The following PFKFB1 variants were observed in gnomAD, a reference collection of about 807,000 sequenced individuals.
PFKFB1 encodes 6-phosphofructo-2-kinase/fructose-2,6-biphosphatase 1, also known as 6-phosphofructo-2-kinase/fructose-2,6-bisphosphatase 1.
Under a neutral mutation model 46.4 loss-of-function variants are expected in PFKFB1, and 34 were observed. The observed-to-expected ratio is 0.73, with a 90% CI of 0.56 to 0.98. PFKFB1 has a LOEUF of 0.98. Among genes scored for constraint, PFKFB1 ranks in the 50% least tolerant of loss-of-function variants. PFKFB1 has a pLI of 0.00. For missense variants in PFKFB1, 393 were observed against 376.3 expected (o/e 1.04, Z -0.37); for synonymous variants, 119 against 133.8 (o/e 0.89, Z 0.76).
intron 1 of PFKFB1, among the ~76,000 whole-genome samples, chrX:54,983,939 T>C (rs1376664796): frequency 8.9e-6 from 1 of 112,223 alleles, no homozygotes; most frequent in East Asian, 2.8e-4. Flanking sequence ...CATTTTTTCA[T>C]ATGCTTGTTG....
At position 54,994,029 on chromosome X, in the gene PFKFB1, C is replaced by T. The variant is rs1935312765; in HGVS notation, c.-22G>A. 1.7e-6 allele frequency: 2 copies of T among 1,186,213 alleles called. No homozygotes were observed. Among genetic ancestry groups the T allele is most frequent in the Non-Finnish European group, 2.3e-6 (2 of 882,506 alleles). ...ACATCTTAGGAGTCGCACCGAATGA[C>T]ATCACTGCCCACAAGGTACCTGGCC... On this transcript the variant is annotated 5_prime_UTR_variant, in exon 1 of 14. The change abolishes an upstream ATG in the 5' untranslated region. Transcript: ENST00000375006.
chrX:54,970,311 A>G (rs1934612966), intron 1 of PFKFB1, among the ~76,000 whole-genome samples: 1 of 111,259 alleles, frequency 9.0e-6, no homozygotes, highest in African/African-American at 3.3e-5. Flanking sequence ...ATTATATACA[A>G]TCAATAATTC....
chrX:54,960,797 CAGGTTCCTAAAAT>C lies in PFKFB1; in HGVS notation c.317+14_317+26del. 9.9e-7 allele frequency: 1 copy of C among 1,009,708 alleles called. No individual in the cohort carries two copies. The highest frequency in any genetic ancestry group is 1.4e-6 in the Non-Finnish European group (1 of 718,325). The allele number at this position is 1,009,708 out of a possible 1,213,427, so 83.2% of individuals were successfully genotyped here. A position where few individuals can be genotyped will look rare whatever the true frequency, so the allele number is the denominator to read the frequency against. ...AGGGCCTTTCAGCCATGAGACAGCACAGGTTCCTAAAATATTGGGTACTTACTTCCTGATTTGC... is the reference window on the plus strand; with the variant it reads ...AGGGCCTTTCAGCCATGAGACAGCACATTGGGTACTTACTTCCTGATTTGC... On this transcript the variant is annotated intron_variant, in intron 3 of 13. Transcript: ENST00000375006.
At chrX:54,940,577 A>C (rs1401826697) in intron 10 of PFKFB1, among the ~76,000 whole-genome samples, 2 of 111,865 alleles carry the variant, frequency 1.8e-5, no homozygotes, top group African/African-American at 3.3e-5. Context: ...CAAAAATCAC[A>C]AGCATTCTTT....
In PFKFB1 at chrX:54,963,327, T is replaced by G. The variant is rs749862460; in HGVS notation, c.153A>C (p.Pro51=). The change falls in exon 2 of 14, where the codon CCA becomes CCC. Residue 51 remains proline, a synonymous_variant. Transcript: ENST00000375006. The part of the protein sequence containing the change: ...SPTMVIMVGL[P]ARGKTYISTK... ...TGGAGATATAGGTCTTGCCTCGAGC[T>G]GGTAAACCCACCATGATCACCATTG... 1 of 1,208,806 alleles carries G rather than the reference T, an allele frequency of 8.3e-7. No individual in the cohort carries two copies. Among genetic ancestry groups the G allele is most frequent in the East Asian group, 3.0e-5 (1 of 33,812 alleles).
chrX:54,965,485 A>G (rs934599009), intron 1 of PFKFB1, among the ~76,000 whole-genome samples: 3 of 111,975 alleles, frequency 2.7e-5, no homozygotes, highest in Non-Finnish European at 5.6e-5. Context: ...AAATTAAGAT[A>G]AAATACTTTT....
intron 1 of PFKFB1, 89 bp from the exon 2 acceptor site, chrX:54,963,471 T>C: frequency 2.1e-6 from 2 of 958,277 alleles, no homozygotes; most frequent in East Asian, 6.3e-5. Context: ...GTAAAGAACA[T>C]GTCTCCCACC....
intron 1 of PFKFB1, among the ~76,000 whole-genome samples, chrX:54,965,985 GA>G (rs1333736438): frequency 9.2e-6 from 1 of 109,020 alleles, no homozygotes; most frequent in African/African-American, 3.3e-5. Context: ...ATGAAAGGCA[GA>G]AAAAAAGAGG....
At chrX:54,947,710 C>T (rs1034793937) in intron 9 of PFKFB1, among the ~76,000 whole-genome samples, 4 of 111,529 alleles carry the variant, frequency 3.6e-5, no homozygotes, top group Non-Finnish European at 3.8e-5. Flanking sequence ...TTTATGTTGA[C>T]GCCTAACAAT....
intron 1 of PFKFB1, among the ~76,000 whole-genome samples, chrX:54,978,994 G>A (rs12009826): frequency 0.047 from 5,180 of 111,185 alleles, 318 homozygotes; most frequent in African/African-American, 0.16. Flanking sequence ...TATAAAGGAC[G>A]TTAGTGAAAA....
intron 10 of PFKFB1, among the ~76,000 whole-genome samples, chrX:54,939,875 C>A (rs769665417): frequency 1.3e-4 from 15 of 112,035 alleles, no homozygotes; most frequent in African/African-American, 4.2e-4. Context: ...AAGAGGGAAT[C>A]CTTCTTAACT....
chrX:54,941,786 C>T (rs757182870), intron 10 of PFKFB1, among the ~76,000 whole-genome samples: 27 of 112,121 alleles, frequency 2.4e-4, no homozygotes, highest in Admixed American at 8.5e-4. Flanking sequence ...CACTTTTACA[C>T]TGTTGGTGGG....
chrX:54,950,300 C>T (rs1375174393), intron 8 of PFKFB1, among the ~76,000 whole-genome samples: 1 of 111,745 alleles, frequency 8.9e-6, no homozygotes, highest in Non-Finnish European at 1.9e-5. Flanking sequence ...TCCCTCAGCT[C>T]CCTTACATGG....
chrX:54,986,327 A>T (rs902139839), intron 1 of PFKFB1, among the ~76,000 whole-genome samples: 1 of 112,291 alleles, frequency 8.9e-6, no homozygotes, highest in African/African-American at 3.2e-5. Context: ...AGAAGCAAAT[A>T]GATTAAAAGT....
At chrX:54,972,820 T>C (rs1046221772) in intron 1 of PFKFB1, among the ~76,000 whole-genome samples, 1 of 111,145 alleles carries the variant, frequency 9.0e-6, no homozygotes, top group African/African-American at 3.3e-5. Flanking sequence ...GTGTCTCTGC[T>C]CGGCTTTGGT....
rs1935316332 is a variant in PFKFB1, at chrX:54,994,114, G to C, written c.-107C>G. The stretch of plus-strand genomic sequence containing the variant: ...CTGTGGCCACAGCAGCAGGTGGACA[G>C]GGCTGGGACAGGGGGTGTACTGGGT... On this transcript the variant is annotated 5_prime_UTR_variant, in exon 1 of 14. Coordinates refer to ENST00000375006, the MANE Select transcript of PFKFB1 (RefSeq NM_002625.4). 1.8e-6 allele frequency: 2 copies of C among 1,124,999 alleles called. No homozygotes were observed. The allele number at this position is 1,124,999 out of a possible 1,213,427, so 92.7% of individuals were successfully genotyped here. A position where few individuals can be genotyped will look rare whatever the true frequency, so the allele number is the denominator to read the frequency against.
intron 2 of PFKFB1, among the ~76,000 whole-genome samples, 170 bp downstream of exon 2, chrX:54,963,087 G>T (rs923986232): frequency 1.8e-5 from 2 of 112,154 alleles, no homozygotes; most frequent in Non-Finnish European, 3.8e-5. Flanking sequence ...ATGTGCTCAA[G>T]AAGTTATAAA....
chrX:54,959,974 G>A (rs1465864838), intron 3 of PFKFB1, 81 bp from the exon 4 acceptor site: 7 of 671,314 alleles, frequency 1.0e-5, no homozygotes, highest in Non-Finnish European at 1.7e-5. Flanking sequence ...AGTATCTTCT[G>A]TACCATCTCT....
intron 9 of PFKFB1, among the ~76,000 whole-genome samples, 157 bp downstream of exon 9, chrX:54,948,918 C>A (rs994737826): frequency 1.8e-5 from 2 of 112,222 alleles, no homozygotes; most frequent in African/African-American, 6.5e-5. Flanking sequence ...TCACTGGATC[C>A]CCAAGACATA....
Sources: allele counts gnomAD v4.1 joint callset (sites outside exome capture counted in the v4.1 genomes callset), GRCh38; gene constraint gnomAD v4.1.1; transcripts MANE v1.5; gene names NCBI Gene and HGNC (gene_info 2026-07-23, HGNC 2026-07-21).